The following TXNDC16 variants were observed in gnomAD, a reference collection of about 807,000 sequenced individuals.
TXNDC16 encodes the protein thioredoxin domain-containing protein 16.
A neutral mutation model predicts 85.6 loss-of-function variants in TXNDC16; 74 were observed. That is an observed-to-expected ratio of 0.86 (90% confidence interval 0.72 to 1.05). TXNDC16 has a LOEUF of 1.05. Ranked by LOEUF, TXNDC16 falls within the 50% of genes least tolerant of loss-of-function variation. TXNDC16 has a pLI of 0.00. For missense variants in TXNDC16, 959 were observed against 947.0 expected (o/e 1.01, Z -0.17); for synonymous variants, 335 against 326.5 (o/e 1.03, Z -0.28).
intron 20 of TXNDC16, among the ~76,000 whole-genome samples, chr14:52,438,844 A>T (rs1184508997): frequency 6.6e-6 from 1 of 152,248 alleles, no homozygotes; most frequent in Non-Finnish European, 1.5e-5. Flanking sequence ...TATCTTCTGA[A>T]ATCTACAATT....
intron 6 of TXNDC16, among the ~76,000 whole-genome samples, chr14:52,521,811 C>T (rs2037218055): frequency 6.6e-6 from 1 of 152,168 alleles, no homozygotes; most frequent in African/African-American, 2.4e-5. Flanking sequence ...TTTAACCTCT[C>T]AACAATACTT....
chr14:52,453,655 A>C (rs867800345), intron 18 of TXNDC16, among the ~76,000 whole-genome samples: 12 of 152,200 alleles, frequency 7.9e-5, no homozygotes, highest in Non-Finnish European at 1.3e-4. Flanking sequence ...GAGATAGAGA[A>C]AAGGATGGTT....
At chr14:52,501,519 T>TA (rs1406960572) in intron 9 of TXNDC16, among the ~76,000 whole-genome samples, 3 of 152,156 alleles carry the variant, frequency 2.0e-5, no homozygotes, top group Admixed American at 2.0e-4. Flanking sequence ...CAACCATGAT[T>TA]AAACCCCAAG....
intron 6 of TXNDC16, 32 bp downstream of exon 6, chr14:52,536,683 CAAGT>C (rs1157013913): frequency 5.3e-6 from 8 of 1,510,834 alleles, no homozygotes; most frequent in Non-Finnish European, 7.2e-6. Flanking sequence ...AGATAAGTAA[CAAGT>C]AAACAAATGA....
At chr14:52,440,478 A>T in intron 19 of TXNDC16, 86 bp downstream of exon 19, 1 of 1,159,586 alleles carries the variant, frequency 8.6e-7, no homozygotes, top group Non-Finnish European at 1.1e-6. Flanking sequence ...AACTCCAAAG[A>T]GTTAGAGAGT....
At chr14:52,540,624 C>CA (rs1280073920) in intron 4 of TXNDC16, among the ~76,000 whole-genome samples, 3 of 150,530 alleles carry the variant, frequency 2.0e-5, no homozygotes, top group African/African-American at 2.4e-5. Context: ...GACTCGGTCT[C>CA]AAAAAAAAGA....
At chr14:52,477,912 G>A (rs560456817) in intron 14 of TXNDC16, among the ~76,000 whole-genome samples, 123 of 152,148 alleles carry the variant, frequency 8.1e-4, no homozygotes, top group African/African-American at 2.9e-3. Context: ...CTCCAAGATA[G>A]ACCATATGAT....
At chr14:52,449,899 G>C (rs1032214917) in intron 18 of TXNDC16, among the ~76,000 whole-genome samples, 2 of 151,576 alleles carry the variant, frequency 1.3e-5, no homozygotes, top group African/African-American at 4.8e-5. Context: ...AAAATTTCTT[G>C]GAAAAAAACC....
intron 16 of TXNDC16, among the ~76,000 whole-genome samples, chr14:52,468,141 T>C (rs1317587834): frequency 1.3e-5 from 2 of 152,160 alleles, no homozygotes; most frequent in Non-Finnish European, 2.9e-5. Flanking sequence ...AGAGTTTCAG[T>C]TTTGCAAGAT....
At chr14:52,466,670 T>A (rs1359507773) in intron 16 of TXNDC16, among the ~76,000 whole-genome samples, 1 of 151,746 alleles carries the variant, frequency 6.6e-6, no homozygotes, top group Non-Finnish European at 1.5e-5. Flanking sequence ...ATGGAAACCA[T>A]CCTGGCTAAT....
chr14:52,518,397 T>A (rs1336136805), intron 7 of TXNDC16, among the ~76,000 whole-genome samples: 1 of 152,230 alleles, frequency 6.6e-6, no homozygotes, highest in African/African-American at 2.4e-5. Flanking sequence ...CTCCAAATTA[T>A]CTATTCCCAG....
intron 9 of TXNDC16, among the ~76,000 whole-genome samples, chr14:52,508,032 A>C (rs1342676236): frequency 6.6e-6 from 1 of 152,230 alleles, no homozygotes; most frequent in African/African-American, 2.4e-5. Flanking sequence ...AAAACACCAA[A>C]AGCAATGGCA....
chr14:52,493,216 T>TATATATATATATATACACACACAC, intron 9 of TXNDC16, among the ~76,000 whole-genome samples: 85 of 115,956 alleles, frequency 7.3e-4, no homozygotes, highest in African/African-American at 2.9e-3. Flanking sequence ...TATATATATA[T>TATATATATATATATACACACACAC]ACACACACAC....
intron 14 of TXNDC16, among the ~76,000 whole-genome samples, chr14:52,481,156 A>G (rs1469890111): frequency 5.3e-5 from 8 of 151,912 alleles, no homozygotes; most frequent in East Asian, 1.9e-4. Flanking sequence ...ATGCAAGGGC[A>G]TAAGAAAGAC....
chr14:52,485,709 G>A (rs893059942), intron 12 of TXNDC16, among the ~76,000 whole-genome samples: 1 of 152,154 alleles, frequency 6.6e-6, no homozygotes, highest in African/African-American at 2.4e-5. Flanking sequence ...GTAACATGCT[G>A]TATAGGTTTG....
intron 9 of TXNDC16, among the ~76,000 whole-genome samples, chr14:52,502,305 G>T (rs2036677382): frequency 6.6e-6 from 1 of 152,226 alleles, no homozygotes; most frequent in Admixed American, 6.5e-5. Flanking sequence ...CTGTGAAAGT[G>T]TTGAAGCAAA....
intron 15 of TXNDC16, 21 bp from the exon 16 acceptor site, chr14:52,470,194 A>C (rs768485244): frequency 2.0e-6 from 3 of 1,530,634 alleles, no homozygotes; most frequent in South Asian, 2.5e-5. Context: ...ATATAACTAT[A>C]TTACAAATTA....
chr14:52,432,482 C>T lies in TXNDC16; in HGVS notation c.2300G>A (p.Cys767Tyr). The change falls in exon 21 of 21, where the codon TGT (cysteine) becomes TAT (tyrosine). Residue 767 changes from cysteine to tyrosine, a missense_variant. By Grantham distance (194) the Cys-to-Tyr change is radical (BLOSUM62 -2). Transcript: ENST00000281741. ...SQRGTRKVPKCMKETDVQEND... is the reference protein window; with the variant it reads ...SQRGTRKVPKYMKETDVQEND... Reference sequence around the variant, plus strand: ...CTCCTGCACATCTGTTTCTTTCATACACTTGGGAACTTTCCTAGTGCCACG... The same window carrying T: ...CTCCTGCACATCTGTTTCTTTCATATACTTGGGAACTTTCCTAGTGCCACG... 1 of 1,614,014 alleles carries T rather than the reference C, an allele frequency of 6.2e-7. No individual in the cohort carries two copies. The highest frequency in any genetic ancestry group is 8.5e-7 in the Non-Finnish European group (1 of 1,179,964).
At chr14:52,530,337 ATAATTATATATTATAAT>A in intron 6 of TXNDC16, among the ~76,000 whole-genome samples, 2 of 51,654 alleles carry the variant, frequency 3.9e-5, no homozygotes, top group African/African-American at 8.8e-5. Context: ...TATATTATAT[ATAATTATATATTATAAT>A]ATAATATATA....
Sources: allele counts gnomAD v4.1 joint callset (sites outside exome capture counted in the v4.1 genomes callset), GRCh38; gene constraint gnomAD v4.1.1; transcripts MANE v1.5; gene names NCBI Gene and HGNC (gene_info 2026-07-23, HGNC 2026-07-21).